Variants in IL1RL2 observed in about 807,000 individuals in gnomAD.
IL1RL2 encodes interleukin-1 receptor-like 2.
In IL1RL2, 68 loss-of-function variants were observed where a neutral mutation model predicts 66.8. That is an observed-to-expected ratio of 1.02 (90% CI 0.84 to 1.25). The LOEUF (loss-of-function observed/expected upper bound fraction) is 1.25. Ranked by LOEUF, IL1RL2 falls within the 50% of genes most tolerant of loss-of-function variation. The probability of loss-of-function intolerance (pLI) is 0.00; values close to 1 mark genes in which losing one functional copy is unlikely to be tolerated. For synonymous variants in IL1RL2, 305 were observed against 264.6 expected, an observed-to-expected ratio of 1.15 and a Z score of -1.48; for missense variants, 729 against 709.3, an observed-to-expected ratio of 1.03 and a Z score of -0.32.
intron 9 of IL1RL2, among the ~76,000 whole-genome samples, chr2:102,227,547 T>C (rs1298049117): frequency 1.3e-5 from 2 of 152,160 alleles, no homozygotes; most frequent in Non-Finnish European, 2.9e-5. Flanking sequence ...GCTAGTACTG[T>C]GGATAGTCCG....
Position 102,212,194 on chromosome 2 carries a change from C to G in IL1RL2, c.724+20C>G. On this transcript the variant is annotated intron_variant, in intron 6 of 11. Transcript: ENST00000264257. ...AGCTTGGTGAGTAAAATTATTGAAG[C>G]CATTGAAATCACCAGGGGAAGAGCT... 6.6e-7 allele frequency: 1 copy of G among 1,524,634 alleles called. No individual in the cohort carries two copies. The highest frequency in any genetic ancestry group is 1.1e-5 in the South Asian group (1 of 89,114). 94.4% of individuals were successfully genotyped at this position (1,524,634 alleles called of 1,614,324 possible). A position where few individuals can be genotyped will look rare whatever the true frequency, so the allele number is the denominator to read the frequency against.
chr2:102,219,172 G>A, intron 7 of IL1RL2, 90 bp downstream of exon 7: 1 of 1,420,962 alleles, frequency 7.0e-7, no homozygotes, highest in Non-Finnish European at 9.9e-7. Flanking sequence ...TTCTCCTCTT[G>A]TTTTTGCCTC....
chr2:102,208,092 G>T (rs958390554), intron 5 of IL1RL2, among the ~76,000 whole-genome samples: 41 of 152,310 alleles, frequency 2.7e-4, no homozygotes, highest in Non-Finnish European at 2.9e-5. Context: ...TCAGTACCAT[G>T]CCGCCACTGT....
chr2:102,211,576 T>A (rs1301110182), intron 5 of IL1RL2, among the ~76,000 whole-genome samples: 1 of 152,192 alleles, frequency 6.6e-6, no homozygotes, highest in Non-Finnish European at 1.5e-5. Context: ...GTTCCCAAGA[T>A]TATTTTAAAG....
At chr2:102,212,243 A>G in intron 6 of IL1RL2, 69 bp downstream of exon 6, 1 of 1,108,442 alleles carries the variant, frequency 9.0e-7, no homozygotes, top group Middle Eastern at 2.0e-4. Flanking sequence ...TATTCTGGTG[A>G]ATATTTTGAA....
intron 6 of IL1RL2, among the ~76,000 whole-genome samples, chr2:102,214,676 C>T (rs1471958951): frequency 6.6e-6 from 1 of 151,960 alleles, no homozygotes; most frequent in Admixed American, 6.6e-5. Context: ...TATCCTAAAA[C>T]TTGTCAAAAC....
rs1240107898 is a variant in IL1RL2, at chr2:102,217,605, TAG to T, written c.725-1343_725-1342del. Among the ~76,000 whole-genome samples, 3 of 152,216 alleles carry T rather than the reference TAG, an allele frequency of 2.0e-5. No homozygotes were observed. The East Asian group carries it at 5.8e-4, about 29-fold the overall frequency. ...AGGCACATAGATCAATGGAGCAGAA[TAG>T]AGAGTCCAGAAATAAGTCCACAAAT... On this transcript the variant is annotated intron_variant, in intron 6 of 11. Transcript: ENST00000264257.
chr2:102,210,189 T>C (rs1329799524), intron 5 of IL1RL2, among the ~76,000 whole-genome samples: 1 of 151,962 alleles, frequency 6.6e-6, no homozygotes, highest in Non-Finnish European at 1.5e-5. Flanking sequence ...TTTTCCAGAC[T>C]GAGGAAGTAG....
chr2:102,241,619 G>T (rs751740612), downstream of IL1RL2, among the ~76,000 whole-genome samples: 3 of 152,184 alleles, frequency 2.0e-5, no homozygotes, highest in African/African-American at 7.2e-5. Context: ...CGCCAGGTAG[G>T]GGGGCATTTA....
chr2:102,210,859 T>A (rs931913623), intron 5 of IL1RL2, among the ~76,000 whole-genome samples: 2 of 152,300 alleles, frequency 1.3e-5, no homozygotes, highest in Non-Finnish European at 2.9e-5. Flanking sequence ...ACTGGAGACA[T>A]GACCTTCAAA....
Position 102,230,998 on chromosome 2 carries a change from C to G in IL1RL2, c.1136-1965C>G, listed in dbSNP as rs151297617. On this transcript the variant is annotated intron_variant, in intron 9 of 11. Coordinates refer to ENST00000264257, the MANE Select transcript of IL1RL2 (RefSeq NM_003854.4). Reference sequence around the variant, plus strand: ...TGCAAGTCTGCTCATCCAACAAACTCTCATATAAAGGAAATAGAAAAGGAC... The same window carrying G: ...TGCAAGTCTGCTCATCCAACAAACTGTCATATAAAGGAAATAGAAAAGGAC... 1.3e-3 allele frequency among the ~76,000 whole-genome samples: 191 copies of G among 152,268 alleles called. 1 individual carries two copies. The highest frequency in any genetic ancestry group is 4.3e-3 in the African/African-American group (179 of 41,542).
chr2:102,239,622 T>A lies in IL1RL2; in HGVS notation c.*381T>A. Reference sequence around the variant, plus strand: ...GGGTGAGGGCGGGTGGTCATCCACATGGTCATAGTGGGTGAGAGCTGGGGG... The same window carrying A: ...GGGTGAGGGCGGGTGGTCATCCACAAGGTCATAGTGGGTGAGAGCTGGGGG... On this transcript the variant is annotated 3_prime_UTR_variant, in exon 12 of 12. Transcript: ENST00000264257. 1 of 224,334 alleles carries A rather than the reference T, an allele frequency of 4.5e-6. No homozygotes were observed. The highest frequency in any genetic ancestry group is 6.2e-5 in the South Asian group (1 of 16,030). The allele number at this position is 224,334 out of a possible 1,614,324, so 13.9% of individuals were successfully genotyped here.
At chr2:102,220,084 G>A in intron 8 of IL1RL2, 67 bp downstream of exon 8, 2 of 1,432,480 alleles carry the variant, frequency 1.4e-6, no homozygotes, top group East Asian at 2.3e-5. Flanking sequence ...CACATCTGAA[G>A]GAGCAGTGAC....
intron 9 of IL1RL2, among the ~76,000 whole-genome samples, chr2:102,231,447 A>C (rs964024460): frequency 2.8e-4 from 43 of 152,300 alleles, no homozygotes; most frequent in African/African-American, 9.9e-4. Context: ...GCAGTGAGCC[A>C]AGATGGCGCC....
At chr2:102,238,577 G>GT (rs1230451063) in intron 11 of IL1RL2, among the ~76,000 whole-genome samples, 1 of 151,914 alleles carries the variant, frequency 6.6e-6, no homozygotes, top group Non-Finnish European at 1.5e-5. Flanking sequence ...ACTTGGTCCT[G>GT]TTTTTTATTT....
intron 5 of IL1RL2, among the ~76,000 whole-genome samples, chr2:102,202,796 T>C (rs891707327): frequency 7.9e-5 from 12 of 152,252 alleles, no homozygotes; most frequent in Non-Finnish European, 1.5e-4. Context: ...CTTTAGGTTT[T>C]CCCAAATATA....
At chr2:102,220,679 A>ATGTGTG (rs3074966) in intron 8 of IL1RL2, among the ~76,000 whole-genome samples, 10 of 150,332 alleles carry the variant, frequency 6.7e-5, no homozygotes, top group African/African-American at 1.7e-4. Flanking sequence ...TCATTAGTGT[A>ATGTGTG]TGTGTGTGTG....
In IL1RL2 at chr2:102,189,281, G is replaced by T. The variant is rs1417598771; in HGVS notation, c.264G>T (p.Gly88=). The change falls in exon 3 of 12, where the codon GGG becomes GGT. Residue 88 remains glycine, a synonymous_variant. Transcript: ENST00000264257. The part of the protein sequence containing the change: ...TWILFLPMEW[G]DSGVYQCVIK... ...TTTTGTTTCTCCCCATGGAATGGGG[G>T]GACTCAGGAGTCTACCAATGTGTTA... 3.1e-6 allele frequency: 5 copies of T among 1,607,304 alleles called. No homozygotes were observed. Among genetic ancestry groups the T allele is most frequent in the Non-Finnish European group, 4.3e-6 (5 of 1,174,362 alleles).
chr2:102,196,493 T>A (rs1180729826), intron 4 of IL1RL2, among the ~76,000 whole-genome samples: 1 of 152,140 alleles, frequency 6.6e-6, no homozygotes, highest in East Asian at 1.9e-4. Context: ...ATATCTGGAG[T>A]CTGTGATCTT....
Sources: gnomAD v4.1 joint callset for allele counts (sites outside exome capture counted in the v4.1 genomes callset) on GRCh38, gnomAD v4.1.1 for gene constraint, MANE v1.5 for transcripts, NCBI Gene and HGNC (gene_info 2026-07-23, HGNC 2026-07-21) for gene names.